NCKAP5: variants seen among roughly 807,000 people sequenced by gnomAD.
NCKAP5 encodes nck-associated protein 5.
Under a neutral mutation model 167.0 loss-of-function variants are expected in NCKAP5, and 92 were observed. The observed-to-expected ratio is 0.55, with a 90% CI of 0.47 to 0.66. NCKAP5 has a LOEUF of 0.66. Ranked by LOEUF, NCKAP5 falls within the 30% of genes least tolerant of loss-of-function variation. NCKAP5 has a pLI of 0.00. For missense variants in NCKAP5, 2,378 were observed against 2,315.0 expected, an observed-to-expected ratio of 1.03 and a Z score of -0.56; for synonymous variants, 891 against 877.4, an observed-to-expected ratio of 1.02 and a Z score of -0.27.
chr2:133,533,415 C>T (rs141709119), intron 2 of NCKAP5, among the ~76,000 whole-genome samples: 23 of 152,318 alleles, frequency 1.5e-4, no homozygotes, highest in African/African-American at 5.5e-4. Context: ...AGTGTGCAAC[C>T]TATAGACTAC....
chr2:133,294,059 T>G (rs1679784763), intron 4 of NCKAP5, among the ~76,000 whole-genome samples: 1 of 152,216 alleles, frequency 6.6e-6, no homozygotes, highest in African/African-American at 2.4e-5. Context: ...ATGTTTTGCT[T>G]TCAGAGCTTT....
intron 4 of NCKAP5, among the ~76,000 whole-genome samples, chr2:133,233,777 T>A (rs2087264389): frequency 6.6e-6 from 1 of 152,172 alleles, no homozygotes; most frequent in African/African-American, 2.4e-5. Flanking sequence ...ATTGAATCCA[T>A]ACAAATCTCT....
At chr2:132,697,734 G>T (rs1157836180) in intron 19 of NCKAP5, among the ~76,000 whole-genome samples, 2 of 152,058 alleles carry the variant, frequency 1.3e-5, no homozygotes, top group Non-Finnish European at 2.9e-5. Context: ...TCAAATAAAA[G>T]TTGAAACCCT....
intron 6 of NCKAP5, among the ~76,000 whole-genome samples, chr2:133,094,649 C>T (rs1470561220): frequency 6.6e-6 from 1 of 152,164 alleles, no homozygotes; most frequent in Non-Finnish European, 1.5e-5. Flanking sequence ...TGAGATATCA[C>T]ACCCTGATTA....
chr2:133,090,548 G>A (rs2081141130), intron 6 of NCKAP5, among the ~76,000 whole-genome samples: 1 of 152,102 alleles, frequency 6.6e-6, no homozygotes, highest in Non-Finnish European at 1.5e-5. Flanking sequence ...CAGAGCCCAA[G>A]GGAATGTGGC....
intron 6 of NCKAP5, among the ~76,000 whole-genome samples, chr2:133,008,337 A>G (rs1334282723): frequency 1.3e-5 from 2 of 152,254 alleles, no homozygotes; most frequent in African/African-American, 4.8e-5. Context: ...AATTGTCCAC[A>G]TATGCATTCC....
chr2:133,625,354 G>A, the NCKAP5 span, among the ~76,000 whole-genome samples: 32 of 152,258 alleles, frequency 2.1e-4, no homozygotes, highest in Admixed American at 8.5e-4. Flanking sequence ...ACAAAGACCA[G>A]CCCACTCGTA....
At chr2:133,030,030 TGTA>T (rs2078831058) in intron 6 of NCKAP5, among the ~76,000 whole-genome samples, 1 of 152,178 alleles carries the variant, frequency 6.6e-6, no homozygotes, top group African/African-American at 2.4e-5. Flanking sequence ...AACAGGCACT[TGTA>T]GAAGCTGTTG....
chr2:133,615,351 G>T, the NCKAP5 span, among the ~76,000 whole-genome samples: 92,927 of 148,888 alleles, frequency 0.62, 30,032 homozygotes, highest in Middle Eastern at 0.78. Context: ...AGACACAGAC[G>T]GGCAAATTGG....
chr2:132,878,233 C>G (rs917935102), intron 9 of NCKAP5, among the ~76,000 whole-genome samples: 1 of 152,184 alleles, frequency 6.6e-6, no homozygotes, highest in South Asian at 2.1e-4. Flanking sequence ...TCTTTGCCAT[C>G]ATCTCTTCAT....
intron 6 of NCKAP5, among the ~76,000 whole-genome samples, chr2:133,029,036 T>C (rs558492407): frequency 6.6e-6 from 1 of 152,210 alleles, no homozygotes; most frequent in Non-Finnish European, 1.5e-5. Context: ...ATGCTTCCTA[T>C]ACAGCCTGCA....
intron 3 of NCKAP5, among the ~76,000 whole-genome samples, chr2:133,403,453 G>A (rs1026542070): frequency 2.0e-5 from 3 of 152,208 alleles, no homozygotes; most frequent in Non-Finnish European, 4.4e-5. Flanking sequence ...AATGTATTTA[G>A]TCTAGTCAAT....
At chr2:133,259,121 T>C (rs892565240) in intron 4 of NCKAP5, among the ~76,000 whole-genome samples, 1 of 151,974 alleles carries the variant, frequency 6.6e-6, no homozygotes, top group Non-Finnish European at 1.5e-5. Context: ...CGGGGTAGAG[T>C]GCTCTCCCTC....
chr2:133,623,954 G>A, the NCKAP5 span, among the ~76,000 whole-genome samples: 9 of 152,138 alleles, frequency 5.9e-5, no homozygotes, highest in African/African-American at 9.6e-5. Flanking sequence ...GGAATACTAC[G>A]CAGCCATAAA....
rs765488919 is a variant in NCKAP5 at position 132,784,253 on chromosome 2, G to A, written c.2558C>T (p.Ser853Leu). The stretch of plus-strand genomic sequence containing the variant: ...TGATCGTAATTCAAAGAGGGGCCCT[G>A]AGCTCTCAGTCTTCATGAATCGTGA... Reference protein sequence around the residue: ...KLSRFMKTESSGPLFELRSDP... With the variant: ...KLSRFMKTESLGPLFELRSDP... Residue 853 changes from serine (S) to leucine (L), a missense_variant, in exon 14 of 20, where the codon TCA becomes TTA. This residue lies in a region of NCKAP5 where 1,049 missense variants were observed against 1,023.4 expected (regional missense o/e 1.02). Coordinates refer to ENST00000409261, the MANE Select transcript of NCKAP5 (RefSeq NM_207363.3). 31 of 1,608,624 alleles carry A rather than the reference G, an allele frequency of 1.9e-5. 2 individuals carry two copies. The highest frequency in any genetic ancestry group is 1.1e-4 in the East Asian group (5 of 44,844).
At chr2:133,313,063 C>A (rs1681357213) in intron 3 of NCKAP5, among the ~76,000 whole-genome samples, 1 of 152,108 alleles carries the variant, frequency 6.6e-6, no homozygotes, top group Non-Finnish European at 1.5e-5. Flanking sequence ...TTGCTCAGTT[C>A]AGCACATTTT....
In NCKAP5 at chr2:133,379,771, C is replaced by T. The variant is rs768079238; in HGVS notation, c.70-76661G>A. Reference sequence around the variant, plus strand: ...AGAAAATGATCCAAGGTAATGTCAGCGCACTTCAAAGTGCAGTAAAATGCA... The same window carrying T: ...AGAAAATGATCCAAGGTAATGTCAGTGCACTTCAAAGTGCAGTAAAATGCA... On this transcript the variant is annotated intron_variant, in intron 3 of 19. Coordinates refer to ENST00000409261, the MANE Select transcript of NCKAP5 (RefSeq NM_207363.3). 3.3e-4 allele frequency among the ~76,000 whole-genome samples: 50 copies of T among 152,108 alleles called. 1 individual carries two copies. The highest frequency in any genetic ancestry group is 1.0e-3 in the Admixed American group (16 of 15,264).
intron 13 of NCKAP5, among the ~76,000 whole-genome samples, chr2:132,787,822 C>T (rs1574218167): frequency 6.6e-6 from 1 of 152,256 alleles, no homozygotes; most frequent in South Asian, 2.1e-4. Flanking sequence ...TTTCCATGAT[C>T]CTGATAGTCA....
At chr2:133,052,438 C>A (rs990184748) in intron 6 of NCKAP5, among the ~76,000 whole-genome samples, 1 of 152,134 alleles carries the variant, frequency 6.6e-6, no homozygotes, top group African/African-American at 2.4e-5. Context: ...AGAGTTTGGG[C>A]CGGGCACGGT....
Sources: gnomAD v4.1 joint callset for allele counts (sites outside exome capture counted in the v4.1 genomes callset) on GRCh38, gnomAD v4.1.1 for gene constraint, gnomAD v4.1.1 regional missense constraint, MANE v1.5 for transcripts, NCBI Gene and HGNC (gene_info 2026-07-23, HGNC 2026-07-21) for gene names.